Variants in ADAMTSL1 observed in about 807,000 individuals in gnomAD.
ADAMTSL1 encodes the protein ADAMTS-like protein 1.
A neutral mutation model predicts 201.8 loss-of-function variants in ADAMTSL1; 126 were observed. The ratio of observed to expected loss-of-function variants is 0.62; its 90% confidence interval spans 0.54 to 0.72. The LOEUF (loss-of-function observed/expected upper bound fraction) is 0.72. Among genes scored for constraint, ADAMTSL1 ranks in the 30% least tolerant of loss-of-function variants. The pLI is 0.00. For missense variants in ADAMTSL1, 2,679 were observed against 2,277.8 expected (o/e 1.18, Z -3.59); for synonymous variants, 1,121 against 903.4 (o/e 1.24, Z -4.32).
chr9:18,749,234 C>T (rs1819319195), intron 15 of ADAMTSL1, among the ~76,000 whole-genome samples: 1 of 151,970 alleles, frequency 6.6e-6, no homozygotes, highest in Non-Finnish European at 1.5e-5. Context: ...AAGTGGTAAA[C>T]CAAAATAGAC....
At chr9:18,847,440 G>T (rs1003932356) in intron 23 of ADAMTSL1, among the ~76,000 whole-genome samples, 1 of 152,334 alleles carries the variant, frequency 6.6e-6, no homozygotes, top group East Asian at 1.9e-4. Context: ...TATAGTAGGA[G>T]AAATAGAAAA....
At chr9:18,322,329 A>G (rs1372608844) in intron 2 of ADAMTSL1, among the ~76,000 whole-genome samples, 1 of 152,214 alleles carries the variant, frequency 6.6e-6, no homozygotes, top group Non-Finnish European at 1.5e-5. Context: ...AAAGATTAAT[A>G]ATTTTGTTAA....
chr9:18,005,896 T>C (rs1328644206), intron 1 of ADAMTSL1, among the ~76,000 whole-genome samples: 4 of 152,114 alleles, frequency 2.6e-5, no homozygotes, highest in Admixed American at 2.0e-4. Context: ...CATTTTATAT[T>C]ATGGTGAGTT....
At chr9:18,074,417 C>G (rs374135848) in intron 1 of ADAMTSL1, among the ~76,000 whole-genome samples, 51 of 152,246 alleles carry the variant, frequency 3.3e-4, no homozygotes, top group African/African-American at 1.2e-3. Flanking sequence ...GGAAAGGACT[C>G]ATTCCACTTT....
intron 4 of ADAMTSL1, among the ~76,000 whole-genome samples, chr9:18,618,176 C>T (rs964043258): frequency 6.6e-6 from 1 of 152,170 alleles, no homozygotes; most frequent in Non-Finnish European, 1.5e-5. Context: ...TTAGGTTTAG[C>T]CTCTTGCTGT....
chr9:18,887,686 C>G, intron 23 of ADAMTSL1, 145 bp from the exon 24 acceptor site: 1 of 688,830 alleles, frequency 1.5e-6, no homozygotes, highest in Middle Eastern at 3.8e-4. Flanking sequence ...CCTGTTTGCT[C>G]AGGAATGGCA....
chr9:18,138,415 T>C (rs903418762), intron 1 of ADAMTSL1, among the ~76,000 whole-genome samples: 1 of 152,112 alleles, frequency 6.6e-6, no homozygotes, highest in Admixed American at 6.6e-5. Flanking sequence ...ATGCTACTTT[T>C]AGGGAGTAAC....
intron 3 of ADAMTSL1, among the ~76,000 whole-genome samples, chr9:18,567,910 G>A (rs1822029174): frequency 6.6e-6 from 1 of 152,110 alleles, no homozygotes; most frequent in African/African-American, 2.4e-5. Flanking sequence ...ACAATATGCT[G>A]TAAAAACCTC....
intron 1 of ADAMTSL1, among the ~76,000 whole-genome samples, chr9:18,022,348 G>T (rs947920): frequency 6.6e-6 from 1 of 152,080 alleles, no homozygotes; most frequent in Non-Finnish European, 1.5e-5. Flanking sequence ...GTCCTGTATT[G>T]TTCTCCCTTT....
At chr9:18,642,461 G>A (rs1176465613) in intron 7 of ADAMTSL1, among the ~76,000 whole-genome samples, 1 of 151,698 alleles carries the variant, frequency 6.6e-6, no homozygotes, top group Middle Eastern at 3.2e-3. Context: ...CTATCTCTTG[G>A]CAACTTTCAC....
At chr9:18,108,227 G>T (rs751653907) in intron 1 of ADAMTSL1, among the ~76,000 whole-genome samples, 2 of 144,332 alleles carry the variant, frequency 1.4e-5, no homozygotes, top group Non-Finnish European at 3.0e-5. Flanking sequence ...TTGAAACAGG[G>T]TTCTACTCTG....
intron 2 of ADAMTSL1, among the ~76,000 whole-genome samples, chr9:18,454,919 G>C (rs991104741): frequency 3.3e-5 from 5 of 151,932 alleles, no homozygotes; most frequent in African/African-American, 1.2e-4. Context: ...TTCTATTATT[G>C]CTCCACATAT....
At chr9:18,505,254 T>C (rs1197226663) in intron 2 of ADAMTSL1, among the ~76,000 whole-genome samples, 1 of 152,262 alleles carries the variant, frequency 6.6e-6, no homozygotes, top group Non-Finnish European at 1.5e-5. Flanking sequence ...AAGGAGTATT[T>C]ATTGTTAGGA....
In ADAMTSL1 at chr9:17,973,428, T is replaced by C. The variant is rs961489012; in HGVS notation, c.87+66506T>C. Among the ~76,000 whole-genome samples, 61 of 128,388 alleles carry C rather than the reference T, an allele frequency of 4.8e-4. No homozygotes were observed. In the East Asian group the frequency reaches 0.013, roughly 28 times the overall value. 84.2% of individuals were successfully genotyped at this position (128,388 alleles called of 152,430 possible). A position where few individuals can be genotyped will look rare whatever the true frequency, so the allele number is the denominator to read the frequency against. ...ACCATTTATTAAATAGGGAATCCTT[T>C]CCCCATTTCTTGTTTTTGTCAGGTT... On this transcript the variant is annotated intron_variant, in intron 1 of 29. Coordinates refer to the ADAMTSL1 transcript ENST00000680146.
chr9:18,783,165 T>C (rs528325529), intron 19 of ADAMTSL1, among the ~76,000 whole-genome samples: 2 of 152,172 alleles, frequency 1.3e-5, no homozygotes, highest in Non-Finnish European at 2.9e-5. Flanking sequence ...ATTAGATACA[T>C]TGAGATGATA....
chr9:18,390,883 G>A (rs1273704056), intron 2 of ADAMTSL1, among the ~76,000 whole-genome samples: 1 of 152,186 alleles, frequency 6.6e-6, no homozygotes, highest in Non-Finnish European at 1.5e-5. Context: ...AAGTAAGTCT[G>A]TCCAAAAAAG....
intron 9 of ADAMTSL1, among the ~76,000 whole-genome samples, chr9:18,671,831 A>T (rs1855120): frequency 0.55 from 83,730 of 151,770 alleles, 23,520 homozygotes; most frequent in Middle Eastern, 0.75. Context: ...AGGGCAGGAG[A>T]TCGAGACCAT....
intron 13 of ADAMTSL1, among the ~76,000 whole-genome samples, chr9:18,701,529 A>G (rs572484): frequency 0.5 from 75,845 of 151,890 alleles, 19,054 homozygotes; most frequent in Admixed American, 0.58. Flanking sequence ...TTTAAACTCT[A>G]ATTTTTCTCA....
At chr9:18,838,668 A>G (rs4977451) in intron 23 of ADAMTSL1, among the ~76,000 whole-genome samples, 11 of 151,704 alleles carry the variant, frequency 7.3e-5, no homozygotes, top group African/African-American at 2.7e-4. Flanking sequence ...CACTACAAAA[A>G]TTTTTTTAAA....
Sources: gnomAD v4.1 joint callset for allele counts (sites outside exome capture counted in the v4.1 genomes callset) on GRCh38, gnomAD v4.1.1 for gene constraint, MANE v1.5 for transcripts, NCBI Gene and HGNC (gene_info 2026-07-23, HGNC 2026-07-21) for gene names.